Variants in MYO7B observed in about 807,000 individuals in gnomAD.
MYO7B encodes the protein unconventional myosin-VIIb.
A neutral mutation model predicts 259.7 loss-of-function variants in MYO7B; 212 were observed. That is an observed-to-expected ratio of 0.82 (90% CI 0.73 to 0.91). The LOEUF (loss-of-function observed/expected upper bound fraction) is 0.91. MYO7B is among the 40% of genes least tolerant of loss of function. MYO7B has a pLI of 0.00. For synonymous variants in MYO7B, 1,197 were observed against 1,166.4 expected, an observed-to-expected ratio of 1.03 and a Z score of -0.54; for missense variants, 2,732 against 2,813.5, an observed-to-expected ratio of 0.97 and a Z score of 0.66.
rs118037038 is a variant in MYO7B, at chr2:127,599,453, G to T, written c.2339+2897G>T. ...TTCCTTAGAATTTTGGATGTAGATC[G>T]TCCTGTCCTCTGCAAATAGGGACAG... On this transcript the variant is annotated intron_variant, in intron 19 of 47. Coordinates refer to ENST00000409816, the MANE Select transcript of MYO7B (RefSeq NM_001393586.1). Among the ~76,000 whole-genome samples, 503 of 152,190 alleles carry T rather than the reference G, an allele frequency of 3.3e-3. 15 individuals carry two copies. In the East Asian group the frequency reaches 0.065, roughly 20 times the overall value.
At chr2:127,575,672 A>T (rs1049457663) in intron 7 of MYO7B, among the ~76,000 whole-genome samples, 1 of 152,006 alleles carries the variant, frequency 6.6e-6, no homozygotes, top group East Asian at 1.9e-4. Flanking sequence ...GGAGGAGGGG[A>T]TTTAAGAAAG....
rs1553448471 is a variant in MYO7B at position 127,571,442 on chromosome 2, G to GTTTTTTTTTTGTTTTTTTTTTTTTTTTTT, written c.592+1542_592+1543insGTTTTTTTTTTTTTTTTTTTTTTTTTTTT. ...AATTGGTCTATTTCCTTACCAGTGA[G>GTTTTTTTTTTGTTTTTTTTTTTTTTTTTT]TTTTTTTTTTTTTTTTTGCTTGTTT... On this transcript the variant is annotated intron_variant, in intron 6 of 47. Transcript: ENST00000409816. Among the ~76,000 whole-genome samples the GTTTTTTTTTTGTTTTTTTTTTTTTTTTTT allele has an allele frequency of 1.1e-3, 47 of 41,934 alleles. 2 individuals carry two copies. Among genetic ancestry groups the GTTTTTTTTTTGTTTTTTTTTTTTTTTTTT allele is most frequent in the Non-Finnish European group, 1.4e-3 (31 of 21,866 alleles). The allele number at this position is 41,934 out of a possible 152,430, so 27.5% of individuals were successfully genotyped here. A position where few individuals can be genotyped will look rare whatever the true frequency, so the allele number is the denominator to read the frequency against.
rs138667548 is a variant in MYO7B at position 127,634,297 on chromosome 2, G to T, written c.5625+8G>T. On this transcript the variant is annotated splice_region_variant and intron_variant, in intron 41 of 47. Transcript: ENST00000409816. ...ATCAAGATTTCAGACAAGGTGGGCCGGGCTGGGGCTGGGCAGACGGTGGGC... is the reference window on the plus strand; with the variant it reads ...ATCAAGATTTCAGACAAGGTGGGCCTGGCTGGGGCTGGGCAGACGGTGGGC... 1 of 1,554,396 alleles carries T rather than the reference G, an allele frequency of 6.4e-7. No homozygotes were observed. Among genetic ancestry groups the T allele is most frequent in the Non-Finnish European group, 8.7e-7 (1 of 1,150,572 alleles).
chr2:127,617,990 A>G (rs13432771), intron 26 of MYO7B, among the ~76,000 whole-genome samples: 23,518 of 151,098 alleles, frequency 0.16, 1,908 homozygotes, highest in Middle Eastern at 0.24. Flanking sequence ...GTCTATCCCT[A>G]TCTGTCCCTA....
Position 127,586,303 on chromosome 2 carries a change from C to A in MYO7B, c.1690+1390C>A, listed in dbSNP as rs1205521141. Among the ~76,000 whole-genome samples the A allele has an allele frequency of 1.3e-5, 2 of 152,076 alleles. No individual in the cohort carries two copies. The highest frequency in any genetic ancestry group is 1.5e-5 in the Non-Finnish European group (1 of 68,028). On this transcript the variant is annotated intron_variant, in intron 14 of 47. Coordinates refer to ENST00000409816, the MANE Select transcript of MYO7B (RefSeq NM_001393586.1). This position sits in a 1 kb window ranked among gnomAD's most constrained non-coding sequence, Gnocchi z 4.8. ...TGGGGTGGTCACCCTATGGGTGTGC[C>A]AAGAAAAACGAGGAAGGTGGCCGTG... is the stretch of plus-strand genomic sequence containing the variant.
chr2:127,579,404 C>T (rs561089244), intron 9 of MYO7B, among the ~76,000 whole-genome samples: 5 of 152,290 alleles, frequency 3.3e-5, no homozygotes, highest in African/African-American at 1.2e-4. Flanking sequence ...TGCTTCCAGG[C>T]AAGCTGCAGC....
At position 127,575,635 on chromosome 2, in the gene MYO7B, T is replaced by A. The variant is rs558730588; in HGVS notation, c.736-960T>A. On this transcript the variant is annotated intron_variant, in intron 7 of 47. Transcript: ENST00000409816. The stretch of plus-strand genomic sequence containing the variant: ...GATATACTATAAGTAAATGTTTTTT[T>A]AAAAACATGTCTAGGTTCTGGGGCG... 1.1e-3 allele frequency among the ~76,000 whole-genome samples: 161 copies of A among 152,180 alleles called. 1 individual carries two copies. Among genetic ancestry groups the A allele is most frequent in the African/African-American group, 3.7e-3 (153 of 41,522 alleles).
intron 2 of MYO7B, among the ~76,000 whole-genome samples, chr2:127,562,139 C>T (rs1429724458): frequency 6.6e-6 from 1 of 152,066 alleles, no homozygotes; most frequent in Admixed American, 6.6e-5. Context: ...ACCTTAATTA[C>T]CTCCTTGAAG....
chr2:127,547,731 G>A (rs536281597), intron 1 of MYO7B, among the ~76,000 whole-genome samples: 1 of 152,276 alleles, frequency 6.6e-6, no homozygotes, highest in East Asian at 1.9e-4. Context: ...CCCAAGTGAA[G>A]GATGACAGGA....
rs2104783375 is a variant in MYO7B at position 127,539,236 on chromosome 2, A to G, written c.-24+3405A>G. On this transcript the variant is annotated intron_variant, in intron 1 of 47. Transcript: ENST00000409816. The surrounding 1 kb of genome is among the most constrained non-coding windows in gnomAD (Gnocchi z 4.0). ...ATAATACAACAGAATCAAAAATAAA[A>G]TAAGCTGGGACGTAGGATAAATGAA... 6.6e-6 allele frequency among the ~76,000 whole-genome samples: 1 copy of G among 152,344 alleles called. No individual in the cohort carries two copies. Among genetic ancestry groups the G allele is most frequent in the East Asian group, 1.9e-4 (1 of 5,194 alleles).
chr2:127,633,117 C>T (rs546007649), intron 39 of MYO7B, 141 bp from the exon 40 acceptor site: 6 of 649,542 alleles, frequency 9.2e-6, no homozygotes, highest in Admixed American at 2.9e-5. Context: ...CCAGGACATG[C>T]GAGGGGCTGG....
intron 5 of MYO7B, among the ~76,000 whole-genome samples, 172 bp from the exon 6 acceptor site, chr2:127,569,617 C>A (rs1678500487): frequency 6.6e-6 from 1 of 152,154 alleles, no homozygotes; most frequent in African/African-American, 2.4e-5. Context: ...ACACAGGCAG[C>A]CTGAGACCCA....
chr2:127,542,862 A>G (rs1481152953), intron 1 of MYO7B, among the ~76,000 whole-genome samples: 1 of 152,222 alleles, frequency 6.6e-6, no homozygotes, highest in Non-Finnish European at 1.5e-5. Flanking sequence ...TCTCTGTGTC[A>G]TAAATAAGTT....
At chr2:127,542,237 C>T (rs111384943) in intron 1 of MYO7B, among the ~76,000 whole-genome samples, 10 of 152,304 alleles carry the variant, frequency 6.6e-5, no homozygotes, top group African/African-American at 2.4e-4. Flanking sequence ...AGGGGCATAC[C>T]CTTCTTCATG....
At chr2:127,612,067 C>G (rs1040825647) in intron 24 of MYO7B, among the ~76,000 whole-genome samples, 183 bp from the exon 25 acceptor site, 1 of 152,150 alleles carries the variant, frequency 6.6e-6, no homozygotes, top group Non-Finnish European at 1.5e-5. Flanking sequence ...GAGGATGGGA[C>G]ACGCACCTGT....
intron 30 of MYO7B, among the ~76,000 whole-genome samples, chr2:127,624,945 G>A (rs1028631515): frequency 6.6e-6 from 1 of 152,226 alleles, no homozygotes; most frequent in Admixed American, 6.5e-5. Flanking sequence ...GGGGGTGGCA[G>A]GGGACCAGGC....
intron 4 of MYO7B, among the ~76,000 whole-genome samples, chr2:127,565,665 C>A (rs548581142): frequency 6.6e-6 from 1 of 152,364 alleles, no homozygotes; most frequent in South Asian, 2.1e-4. Flanking sequence ...TGGCCATCAT[C>A]CTCTGCCCTC....
At chr2:127,591,324 C>A (rs748885997) in intron 16 of MYO7B, among the ~76,000 whole-genome samples, 25 of 152,212 alleles carry the variant, frequency 1.6e-4, no homozygotes, top group Non-Finnish European at 3.5e-4. Context: ...ACCCTTGGCT[C>A]GTTCAGACCC....
At chr2:127,608,939 C>T (rs549095069) in intron 22 of MYO7B, 61 bp downstream of exon 22, 79 of 1,550,022 alleles carry the variant, frequency 5.1e-5, no homozygotes, top group African/African-American at 3.3e-4. Context: ...CTGCCCAGTC[C>T]GTGAACTCAG....
Sources: allele counts gnomAD v4.1 joint callset (sites outside exome capture counted in the v4.1 genomes callset), GRCh38; gene constraint gnomAD v4.1.1; non-coding constraint Gnocchi (gnomAD v3.1); transcripts MANE v1.5; gene names NCBI Gene and HGNC (gene_info 2026-07-23, HGNC 2026-07-21).